The following DLC1 variants were observed in gnomAD, a reference collection of about 807,000 sequenced individuals.
DLC1 encodes DLC1 Rho GTPase activating protein.
A neutral mutation model predicts 140.3 loss-of-function variants in DLC1; 54 were observed. The ratio of observed to expected loss-of-function variants is 0.38; its 90% confidence interval spans 0.31 to 0.48. The LOEUF is 0.48. Ranked by LOEUF, DLC1 falls within the 20% of genes least tolerant of loss-of-function variation. The probability of loss-of-function intolerance (pLI) is 0.96; values close to 1 mark genes in which losing one functional copy is unlikely to be tolerated. For missense variants in DLC1, 2,536 were observed against 1,907.0 expected (o/e 1.33, Z -6.14); for synonymous variants, 986 against 728.1 (o/e 1.35, Z -5.70).
chr8:13,248,627 C>G (rs560654309), intron 5 of DLC1, among the ~76,000 whole-genome samples: 47 of 152,302 alleles, frequency 3.1e-4, no homozygotes, highest in Non-Finnish European at 5.7e-4. Flanking sequence ...AATTCCAGCA[C>G]CATCACTGAG....
chr8:13,526,072 A>G (rs1802914580), intron 1 of DLC1, among the ~76,000 whole-genome samples: 3 of 152,182 alleles, frequency 2.0e-5, no homozygotes, highest in Non-Finnish European at 2.9e-5. Context: ...CATTTGTGAC[A>G]ATTCTTTTCC....
At chr8:13,563,223 A>G (rs1563442745) in intron 1 of DLC1, among the ~76,000 whole-genome samples, 2 of 152,184 alleles carry the variant, frequency 1.3e-5, no homozygotes, top group African/African-American at 4.8e-5. Flanking sequence ...TCCTGATTCT[A>G]ACACTTCAAC....
intron 4 of DLC1, among the ~76,000 whole-genome samples, chr8:13,328,351 C>T (rs1030522444): frequency 7.4e-6 from 1 of 135,920 alleles, no homozygotes; most frequent in Non-Finnish European, 1.7e-5. Flanking sequence ...ATTCATGCCT[C>T]AGTTATATTT....
chr8:13,328,785 AG>A (rs1379130086), intron 4 of DLC1, among the ~76,000 whole-genome samples: 1 of 139,522 alleles, frequency 7.2e-6, no homozygotes, highest in Admixed American at 7.0e-5. Context: ...CAGAGGTGAA[AG>A]GGGAAGACCA....
At chr8:13,573,385 G>C (rs1170875811) in intron 1 of DLC1, among the ~76,000 whole-genome samples, 1 of 152,084 alleles carries the variant, frequency 6.6e-6, no homozygotes, top group Non-Finnish European at 1.5e-5. Context: ...GGGTTTTCTA[G>C]GTATAAGAGT....
chr8:13,085,981 A>T, intron 17 of DLC1, 50 bp from the exon 18 acceptor site: 1 of 1,599,956 alleles, frequency 6.3e-7, no homozygotes, highest in Non-Finnish European at 8.5e-7. Context: ...GTTAGAAAGC[A>T]TGGAAATAAA....
At chr8:13,536,794 A>G (rs898698210) in intron 1 of DLC1, among the ~76,000 whole-genome samples, 2 of 152,158 alleles carry the variant, frequency 1.3e-5, no homozygotes, top group Admixed American at 6.5e-5. Flanking sequence ...GAAATAACAC[A>G]TGTATTTAGA....
At chr8:13,249,311 C>T (rs944645297) in intron 5 of DLC1, among the ~76,000 whole-genome samples, 5 of 152,304 alleles carry the variant, frequency 3.3e-5, no homozygotes, top group African/African-American at 9.6e-5. Flanking sequence ...CTCTTGACTT[C>T]AGGCAATCCA....
At chr8:13,532,338 G>C (rs1255725532) in intron 1 of DLC1, among the ~76,000 whole-genome samples, 1 of 152,140 alleles carries the variant, frequency 6.6e-6, no homozygotes, top group African/African-American at 2.4e-5. Context: ...TCTTTTACCT[G>C]TCTCTTCCTA....
At chr8:13,579,821 A>C (rs934365990) in intron 1 of DLC1, among the ~76,000 whole-genome samples, 6 of 151,794 alleles carry the variant, frequency 4.0e-5, no homozygotes, top group Non-Finnish European at 8.8e-5. Flanking sequence ...TGCATAGCAC[A>C]TTGTGAGTGC....
intron 4 of DLC1, among the ~76,000 whole-genome samples, chr8:13,357,630 C>T (rs994208996): frequency 3.7e-4 from 56 of 152,180 alleles, no homozygotes; most frequent in Admixed American, 3.6e-3. Context: ...AAATTCTGAA[C>T]ACAGTTTCAA....
intron 1 of DLC1, among the ~76,000 whole-genome samples, chr8:13,589,546 T>G (rs1805446821): frequency 6.6e-6 from 1 of 152,110 alleles, no homozygotes. Context: ...AACTATGACA[T>G]CATAGAGAAT....
chr8:13,328,877 G>GGT (rs1563257544), intron 4 of DLC1, among the ~76,000 whole-genome samples: 5 of 152,178 alleles, frequency 3.3e-5, no homozygotes, highest in African/African-American at 1.2e-4. Flanking sequence ...AGTGATCTGG[G>GGT]ACTAGGTGAG....
intron 1 of DLC1, among the ~76,000 whole-genome samples, chr8:13,543,325 T>A (rs1442988789): frequency 1.3e-5 from 2 of 152,182 alleles, no homozygotes; most frequent in Non-Finnish European, 2.9e-5. Flanking sequence ...ATTGTCAGTT[T>A]CCTTAAGTTC....
rs2128937812 is a variant in DLC1, at chr8:13,100,639, G to C, written c.1698C>G (p.Ser566=). Residue 566 remains serine, a synonymous_variant, in exon 9 of 18, where the codon TCC becomes TCG. Coordinates refer to ENST00000276297, the MANE Select transcript of DLC1 (RefSeq NM_182643.3). ...CGTCCTTCGGGTGGGAGTCGTCTGG[G>C]GACCCAGGGACCAGGTCTTGTTTTG... ...FSPKQDLVPG[S]PDDSHPKDGP... The C allele has an allele frequency of 6.2e-7, 1 of 1,614,116 alleles. No individual in the cohort carries two copies. Among genetic ancestry groups the C allele is most frequent in the Middle Eastern group, 1.7e-4 (1 of 6,060 alleles).
intron 1 of DLC1, among the ~76,000 whole-genome samples, chr8:13,596,279 A>G (rs62493213): frequency 0.073 from 11,088 of 152,054 alleles, 642 homozygotes; most frequent in Admixed American, 0.18. Context: ...GCCTTCTGGA[A>G]GGAATTAATA....
chr8:13,344,820 G>A (rs1244675641), intron 4 of DLC1, among the ~76,000 whole-genome samples: 1 of 152,128 alleles, frequency 6.6e-6, no homozygotes, highest in African/African-American at 2.4e-5. Flanking sequence ...TAACGACAGT[G>A]GGTTTCACTT....
At chr8:13,192,101 C>T (rs894587009) in intron 5 of DLC1, among the ~76,000 whole-genome samples, 5 of 151,970 alleles carry the variant, frequency 3.3e-5, no homozygotes, top group Middle Eastern at 3.4e-3. Context: ...CACATGCCAC[C>T]GTGCCCGGCT....
intron 2 of DLC1, among the ~76,000 whole-genome samples, chr8:13,495,797 T>C (rs1801473926): frequency 1.3e-5 from 2 of 152,208 alleles, no homozygotes; most frequent in South Asian, 4.1e-4. Context: ...ATAATTTTTA[T>C]TAAAAGTACA....
Sources: gnomAD v4.1 joint callset for allele counts (sites outside exome capture counted in the v4.1 genomes callset) on GRCh38, gnomAD v4.1.1 for gene constraint, MANE v1.5 for transcripts, NCBI Gene and HGNC (gene_info 2026-07-23, HGNC 2026-07-21) for gene names.